Variants in RARRES1 observed in about 807,000 individuals in gnomAD.
RARRES1 encodes retinoic acid receptor responder protein 1.
A neutral mutation model predicts 30.6 loss-of-function variants in RARRES1; 34 were observed. That is an observed-to-expected ratio of 1.11 (90% confidence interval 0.84 to 1.48). The LOEUF is 1.48. RARRES1 is among the 40% of genes most tolerant of loss of function. The probability of loss-of-function intolerance (pLI) is 0.00; values close to 1 mark genes in which losing one functional copy is unlikely to be tolerated. For synonymous variants in RARRES1, 153 were observed against 155.5 expected (o/e 0.98, Z 0.12); for missense variants, 373 against 386.5 (o/e 0.97, Z 0.29).
At chr3:158,710,699 ACATT>A in intron 3 of RARRES1, 35 bp downstream of exon 3, 1 of 1,515,614 alleles carries the variant, frequency 6.6e-7, no homozygotes, top group Non-Finnish European at 9.0e-7. Flanking sequence ...GTTATTACAT[ACATT>A]CCTGAATATA....
chr3:158,723,903 T>G lies in RARRES1; in HGVS notation c.276+8237A>C, dbSNP rs1162917335. Reference sequence around the variant, plus strand: ...ACCCTTCCAGCTACCTTCATTTAATTTAACAAATATCTAATATTTGTCTCT... The same window carrying G: ...ACCCTTCCAGCTACCTTCATTTAATGTAACAAATATCTAATATTTGTCTCT... On this transcript the variant is annotated intron_variant, in intron 1 of 5. Coordinates refer to ENST00000237696, the MANE Select transcript of RARRES1 (RefSeq NM_206963.2). The surrounding 1 kb of genome is among the most constrained non-coding windows in gnomAD (Gnocchi z 4.4). Among the ~76,000 whole-genome samples the G allele has an allele frequency of 3.9e-5, 6 of 152,226 alleles. No homozygotes were observed. Among genetic ancestry groups the G allele is most frequent in the African/African-American group, 1.2e-4 (5 of 41,462 alleles).
chr3:158,722,092 A>AAAAAT (rs1279349676), intron 1 of RARRES1, among the ~76,000 whole-genome samples: 1 of 151,492 alleles, frequency 6.6e-6, no homozygotes, highest in East Asian at 1.9e-4. Flanking sequence ...AACTCAAAAA[A>AAAAAT]AAAAAAAAAA....
chr3:158,731,612 A>G (rs1012836230), intron 1 of RARRES1, among the ~76,000 whole-genome samples: 2 of 152,172 alleles, frequency 1.3e-5, no homozygotes, highest in African/African-American at 4.8e-5. Flanking sequence ...GTAAATTCCA[A>G]CCACATTACC....
At chr3:158,718,339 A>G (rs768030198) in intron 1 of RARRES1, among the ~76,000 whole-genome samples, 1 of 152,218 alleles carries the variant, frequency 6.6e-6, no homozygotes, top group Admixed American at 6.5e-5. Flanking sequence ...GAATAATGCA[A>G]GTAGCCCAAT....
intron 3 of RARRES1, among the ~76,000 whole-genome samples, chr3:158,709,730 C>T (rs17699526): frequency 0.19 from 28,684 of 152,088 alleles, 2,846 homozygotes; most frequent in Non-Finnish European, 0.23. Context: ...AATGCTGTAG[C>T]GGTCAGACAT....
At chr3:158,700,768 G>A (rs1726696794) in intron 4 of RARRES1, among the ~76,000 whole-genome samples, 1 of 152,138 alleles carries the variant, frequency 6.6e-6, no homozygotes, top group African/African-American at 2.4e-5. Flanking sequence ...AAATCTTGTA[G>A]CCCAAATGGA....
chr3:158,709,125 T>G (rs1727029639), intron 3 of RARRES1, among the ~76,000 whole-genome samples: 1 of 152,198 alleles, frequency 6.6e-6, no homozygotes. Flanking sequence ...AAAGTTGCCC[T>G]CTATTAAAGA....
chr3:158,708,881 TCTC>T (rs1408646525), intron 3 of RARRES1, among the ~76,000 whole-genome samples: 1 of 152,096 alleles, frequency 6.6e-6, no homozygotes, highest in Non-Finnish European at 1.5e-5. Context: ...ATGGTCTCGA[TCTC>T]CTGACCTCGT....
chr3:158,719,210 A>G (rs1727419946), intron 1 of RARRES1, among the ~76,000 whole-genome samples: 1 of 152,072 alleles, frequency 6.6e-6, no homozygotes, highest in Admixed American at 6.6e-5. Flanking sequence ...CTTGTGTACT[A>G]CAGCCTGGAA....
intron 1 of RARRES1, among the ~76,000 whole-genome samples, chr3:158,728,372 C>T (rs1244760544): frequency 6.6e-6 from 1 of 152,152 alleles, no homozygotes; most frequent in Non-Finnish European, 1.5e-5. Flanking sequence ...CTCTTCCTTA[C>T]CTGGCTACCT....
rs974386145 is a variant in RARRES1, at chr3:158,723,258, G to A, written c.276+8882C>T. On this transcript the variant is annotated intron_variant, in intron 1 of 5. Transcript: ENST00000237696. The surrounding 1 kb of genome is among the most constrained non-coding windows in gnomAD (Gnocchi z 4.4). ...CTAACAGACTCAGCTCCTAAATGTC[G>A]CCTCCAGCATTCACATTTGATAAGA... is the stretch of plus-strand genomic sequence containing the variant. Among the ~76,000 whole-genome samples the A allele has an allele frequency of 1.3e-5, 2 of 152,096 alleles. No homozygotes were observed. The highest frequency in any genetic ancestry group is 2.9e-5 in the Non-Finnish European group (2 of 68,042).
At chr3:158,698,165 T>TA (rs1265057802) in intron 4 of RARRES1, 195 bp from the exon 5 acceptor site, 1 of 547,120 alleles carries the variant, frequency 1.8e-6, no homozygotes, top group Non-Finnish European at 3.3e-6. Flanking sequence ...CACTGAGTTA[T>TA]ATGAAAGTCT....
At chr3:158,730,773 T>C (rs1727858514) in intron 1 of RARRES1, among the ~76,000 whole-genome samples, 1 of 140,848 alleles carries the variant, frequency 7.1e-6, no homozygotes, top group African/African-American at 2.7e-5. Context: ...TTCTTTATTA[T>C]TTTATTTTAT....
At chr3:158,700,986 G>A (rs916014590) in intron 4 of RARRES1, among the ~76,000 whole-genome samples, 6 of 152,070 alleles carry the variant, frequency 3.9e-5, no homozygotes, top group Admixed American at 3.9e-4. Context: ...AGTAATAGAA[G>A]TTATCAAAAG....
chr3:158,697,836 T>C lies in RARRES1; in HGVS notation c.736-9A>G. The stretch of plus-strand genomic sequence containing the variant: ...CGACAGGGAATTATTTCCTAGGAAA[T>C]AGAGTTATAAAATATTATAATCTGC... On this transcript the variant is annotated splice_polypyrimidine_tract_variant and intron_variant, in intron 5 of 5. Coordinates refer to ENST00000237696, the MANE Select transcript of RARRES1 (RefSeq NM_206963.2). 2 of 1,605,782 alleles carry C rather than the reference T, an allele frequency of 1.2e-6. No homozygotes were observed. The highest frequency in any genetic ancestry group is 1.7e-6 in the Non-Finnish European group (2 of 1,173,966).
At chr3:158,714,283 G>A (rs1194473141) in intron 1 of RARRES1, among the ~76,000 whole-genome samples, 1 of 152,174 alleles carries the variant, frequency 6.6e-6, no homozygotes, top group East Asian at 1.9e-4. Flanking sequence ...GGGGGATGCT[G>A]GCAACAAACG....
chr3:158,708,001 G>T (rs1486760179), intron 3 of RARRES1, among the ~76,000 whole-genome samples: 1 of 152,178 alleles, frequency 6.6e-6, no homozygotes, highest in African/African-American at 2.4e-5. Context: ...TCAATAGGGA[G>T]CTGTGACTAT....
chr3:158,700,199 A>AGTG (rs1406439734), intron 4 of RARRES1, among the ~76,000 whole-genome samples: 5 of 113,718 alleles, frequency 4.4e-5, no homozygotes, highest in Non-Finnish European at 9.4e-5. Context: ...AAAAATAATA[A>AGTG]TAAGTGTGTG....
intron 3 of RARRES1, among the ~76,000 whole-genome samples, chr3:158,706,951 C>T (rs573644929): frequency 2.6e-5 from 4 of 152,014 alleles, no homozygotes; most frequent in African/African-American, 4.8e-5. Flanking sequence ...GGTGGATCAC[C>T]GGAGGTCAGG....
Sources: allele counts gnomAD v4.1 joint callset (sites outside exome capture counted in the v4.1 genomes callset), GRCh38; gene constraint gnomAD v4.1.1; non-coding constraint Gnocchi (gnomAD v3.1); transcripts MANE v1.5; gene names NCBI Gene and HGNC (gene_info 2026-07-23, HGNC 2026-07-21).